The following KCTD20 variants were observed in gnomAD, a reference collection of about 807,000 sequenced individuals.
The protein encoded by KCTD20 is BTB/POZ domain-containing protein KCTD20.
A neutral mutation model predicts 39.6 loss-of-function variants in KCTD20; 30 were observed. That is an observed-to-expected ratio of 0.76 (90% CI 0.57 to 1.03). The LOEUF (loss-of-function observed/expected upper bound fraction) is 1.03, where lower values mean the gene tolerates loss of function less well. KCTD20 is among the 50% of genes least tolerant of loss of function. KCTD20 has a pLI of 0.00. For missense variants in KCTD20, 422 were observed against 522.0 expected (o/e 0.81, Z 1.87); for synonymous variants, 162 against 180.6 (o/e 0.90, Z 0.83).
In KCTD20 at chr6:36,489,403, A is replaced by G. The variant is rs139003984; in HGVS notation, c.*2228A>G. On this transcript the variant is annotated 3_prime_UTR_variant, in exon 8 of 8. Transcript: ENST00000373731. ...TTTCCCCCAAATTAGGTTAACATGC[A>G]TTTGACCCCAACCTGTGGGGTTTGA... 28 of 152,282 alleles carry G rather than the reference A, an allele frequency of 1.8e-4. No homozygotes were observed. The highest frequency in any genetic ancestry group is 6.3e-4 in the African/African-American group (26 of 41,544). 9.4% of individuals were successfully genotyped at this position (152,282 alleles called of 1,614,324 possible). A position where few individuals can be genotyped will look rare whatever the true frequency, so the allele number is the denominator to read the frequency against.
In KCTD20 at chr6:36,470,221, C is replaced by T; in HGVS notation, c.124C>T (p.His42Tyr). The change falls in exon 2 of 8, where the codon CAT (histidine) becomes TAT (tyrosine). Residue 42 changes from histidine (H) to tyrosine (Y), a missense_variant. His to Tyr is a moderately conservative substitution (Grantham distance 83). Coordinates refer to ENST00000373731, the MANE Select transcript of KCTD20 (RefSeq NM_173562.5). The stretch of plus-strand genomic sequence containing the variant: ...AAACAGCCTGGCTTCATCTGGTCCT[C>T]ATAATCTTACTTATCCTCTAGGTCC... ...EANSLASSGP[H>Y]NLTYPLGPRN... is the part of the protein sequence containing the mutation. The T allele has an allele frequency of 1.2e-6, 2 of 1,613,778 alleles. No individual in the cohort carries two copies. The highest frequency in any genetic ancestry group is 1.1e-5 in the South Asian group (1 of 91,024).
chr6:36,451,432 T>C (rs1775251683), intron 1 of KCTD20: 1 of 152,212 alleles, frequency 6.6e-6, no homozygotes, highest in African/African-American at 2.4e-5. Flanking sequence ...GTGGATACAT[T>C]TATTGTTTCA....
intron 1 of KCTD20, among the ~76,000 whole-genome samples, chr6:36,446,322 C>T (rs1233045814): frequency 6.6e-6 from 1 of 152,110 alleles, no homozygotes; most frequent in Non-Finnish European, 1.5e-5. Context: ...GCCACCATGC[C>T]AGGCCTGAAC....
At chr6:36,477,476 CTTTTCT>C (rs1205842838) in intron 3 of KCTD20, among the ~76,000 whole-genome samples, 1 of 137,444 alleles carries the variant, frequency 7.3e-6, no homozygotes, top group East Asian at 2.1e-4. Flanking sequence ...GAATCATTTT[CTTTTCT>C]TTTTTTTTTT....
intron 1 of KCTD20, among the ~76,000 whole-genome samples, chr6:36,453,947 T>C (rs1159399573): frequency 2.0e-5 from 3 of 152,256 alleles, no homozygotes; most frequent in Non-Finnish European, 4.4e-5. Flanking sequence ...TCCAAGGTTA[T>C]TCAGAAGTGT....
chr6:36,463,416 T>C (rs1775655374), intron 1 of KCTD20, among the ~76,000 whole-genome samples: 1 of 152,202 alleles, frequency 6.6e-6, no homozygotes, highest in Admixed American at 6.5e-5. Flanking sequence ...TTCTATCTTT[T>C]GTATAAGAGA....
At position 36,487,487 on chromosome 6, in the gene KCTD20, C is replaced by G. The variant is rs948865467; in HGVS notation, c.*312C>G. On this transcript the variant is annotated 3_prime_UTR_variant, in exon 8 of 8. Transcript: ENST00000373731. ...AAGGAAGTCAAGACTCCTGTTGCCT[C>G]GTGCTTAGCAAAGCAGTCCTTATCC... 2 of 336,622 alleles carry G rather than the reference C, an allele frequency of 5.9e-6. No homozygotes were observed. Among genetic ancestry groups the G allele is most frequent in the South Asian group, 1.1e-4 (2 of 18,350 alleles). The allele number at this position is 336,622 out of a possible 1,614,324, so 20.9% of individuals were successfully genotyped here. A position where few individuals can be genotyped will look rare whatever the true frequency, so the allele number is the denominator to read the frequency against.
At chr6:36,464,904 T>A (rs950748887) in intron 1 of KCTD20, among the ~76,000 whole-genome samples, 45 of 152,200 alleles carry the variant, frequency 3.0e-4, no homozygotes, top group African/African-American at 1.0e-3. Context: ...TACCAAATTC[T>A]GTGGCATCCT....
intron 3 of KCTD20, 65 bp downstream of exon 3, chr6:36,475,127 A>C: frequency 6.7e-7 from 1 of 1,503,708 alleles, no homozygotes; most frequent in Non-Finnish European, 9.1e-7. Context: ...CCTGCTGTTT[A>C]TCTTGCATTA....
intron 2 of KCTD20, among the ~76,000 whole-genome samples, chr6:36,471,080 G>A (rs1028200631): frequency 1.3e-5 from 2 of 151,684 alleles, no homozygotes; most frequent in Non-Finnish European, 2.9e-5. Flanking sequence ...GAACCTGGTA[G>A]GCGGAGGTTG....
chr6:36,483,118 C>CAAAA (rs767686820), intron 6 of KCTD20, among the ~76,000 whole-genome samples: 1 of 108,296 alleles, frequency 9.2e-6, no homozygotes, highest in Non-Finnish European at 2.1e-5. Context: ...GACTCCGTTT[C>CAAAA]AAAAAAAAAA....
Position 36,487,164 on chromosome 6 carries a change from T to A in KCTD20, c.1249T>A (p.Phe417Ile), listed in dbSNP as rs138914523. The change falls in exon 8 of 8, where the codon TTT (phenylalanine) becomes ATT (isoleucine). Residue 417 changes from phenylalanine (F) to isoleucine (I), a missense_variant. Physicochemically the swap from Phe to Ile is conservative, Grantham distance 21. Transcript: ENST00000373731. Reference protein sequence around the residue: ...APLSQMASNDFQD With the variant: ...APLSQMASNDIQD The stretch of plus-strand genomic sequence containing the variant: ...ACTTTCTCAGATGGCTTCTAACGAC[T>A]TTCAGGATTAGGGCCAGCTGTGGGT... 67 of 1,612,536 alleles carry A rather than the reference T, an allele frequency of 4.2e-5. No individual in the cohort carries two copies. Among genetic ancestry groups the A allele is most frequent in the Non-Finnish European group, 5.6e-5 (66 of 1,178,988 alleles).
rs778060209 is a variant in KCTD20, at chr6:36,486,927, C to T, written c.1012C>T (p.Arg338Trp). The T allele has an allele frequency of 1.3e-5, 21 of 1,613,494 alleles. No homozygotes were observed. The highest frequency in any genetic ancestry group is 4.0e-5 in the African/African-American group (3 of 74,864). Reference protein sequence around the residue: ...KEKIKRRPGGRSEVIYNYVQR... With the variant: ...KEKIKRRPGGWSEVIYNYVQR... ...AAAAATTAAGAGAAGGCCTGGCGGC[C>T]GGTCTGAAGTCATCTATAATTATGT... The change falls in exon 8 of 8, where the codon CGG (arginine) becomes TGG (tryptophan). Residue 338 changes from arginine to tryptophan, a missense_variant. By Grantham distance (101) the Arg-to-Trp change is moderately radical. Coordinates refer to ENST00000373731, the MANE Select transcript of KCTD20 (RefSeq NM_173562.5).
chr6:36,477,432 G>A (rs1008985105), intron 3 of KCTD20, among the ~76,000 whole-genome samples: 13 of 151,366 alleles, frequency 8.6e-5, no homozygotes, highest in African/African-American at 3.2e-4. Flanking sequence ...GAATTCTTAT[G>A]TGTGGTACAG....
rs1202854283 is a variant in KCTD20, at chr6:36,481,656, C to T, written c.753C>T (p.Ala251=). ...ELILPIMVGC[A]KKGERECHIV... is the part of the protein sequence containing the mutation. ...TCTTGCCCATCATGGTGGGCTGTGC[C>T]AAGAAAGGAGAACGAGAGTGCCACA... The change falls in exon 6 of 8, where the codon GCC becomes GCT. Residue 251 remains alanine (A), a synonymous_variant. Coordinates refer to ENST00000373731, the MANE Select transcript of KCTD20 (RefSeq NM_173562.5). 1 of 1,614,158 alleles carries T rather than the reference C, an allele frequency of 6.2e-7. No individual in the cohort carries two copies. Among genetic ancestry groups the T allele is most frequent in the Admixed American group, 1.7e-5 (1 of 60,024 alleles).
chr6:36,456,371 C>T (rs1462773016), intron 1 of KCTD20, among the ~76,000 whole-genome samples: 6 of 152,066 alleles, frequency 3.9e-5, no homozygotes, highest in Non-Finnish European at 7.4e-5. Context: ...CTCTGCCTCC[C>T]GGGTTCAAGC....
chr6:36,481,559 C>T lies in KCTD20; in HGVS notation c.659-3C>T. ...CATGTTCACCTACATTTTCTCTCTG[C>T]AGGTGCTTTACTCCATGAACTGTCT... On this transcript the variant is annotated splice_polypyrimidine_tract_variant and splice_region_variant and intron_variant, in intron 5 of 7. Transcript: ENST00000373731. The T allele has an allele frequency of 6.2e-7, 1 of 1,609,456 alleles. No individual in the cohort carries two copies.
chr6:36,472,335 GT>G (rs1232045217), intron 2 of KCTD20, among the ~76,000 whole-genome samples: 1 of 152,106 alleles, frequency 6.6e-6, no homozygotes, highest in Admixed American at 6.6e-5. Context: ...CTCTAAATAG[GT>G]TTTTGATCTA....
At chr6:36,453,617 C>G (rs553492001) in intron 1 of KCTD20, among the ~76,000 whole-genome samples, 1 of 151,120 alleles carries the variant, frequency 6.6e-6, no homozygotes, top group Non-Finnish European at 1.5e-5. Context: ...TGGGTTCAAG[C>G]GATTCTCCTG....
Sources: gnomAD v4.1 joint callset for allele counts (sites outside exome capture counted in the v4.1 genomes callset) on GRCh38, gnomAD v4.1.1 for gene constraint, MANE v1.5 for transcripts, NCBI Gene and HGNC (gene_info 2026-07-23, HGNC 2026-07-21) for gene names.